Variants in ZNF251 observed in about 807,000 individuals in gnomAD.
The protein encoded by ZNF251 is zinc finger protein 251.
A neutral mutation model predicts 13.5 loss-of-function variants in ZNF251; 14 were observed. The observed-to-expected ratio is 1.04, with a 90% CI of 0.69 to 1.63. ZNF251 has a LOEUF of 1.63. Ranked by LOEUF, ZNF251 falls within the 40% of genes most tolerant of loss-of-function variation. The pLI is 0.00. For missense variants in ZNF251, 764 were observed against 834.9 expected (o/e 0.92, Z 1.05); for synonymous variants, 287 against 295.2 (o/e 0.97, Z 0.28).
chr8:144,738,063 A>G (rs773029210), intron 4 of ZNF251, among the ~76,000 whole-genome samples: 1 of 152,048 alleles, frequency 6.6e-6, no homozygotes, highest in Non-Finnish European at 1.5e-5. Context: ...ATCTTACTCT[A>G]ATACCCAGAC....
At chr8:144,755,363 C>T in intron 1 of ZNF251, 42 bp downstream of exon 1, 1 of 1,287,030 alleles carries the variant, frequency 7.8e-7, no homozygotes, top group Non-Finnish European at 1.0e-6. Flanking sequence ...TCCCCGCCTG[C>T]CTGCCCGCTT....
At chr8:144,745,509 T>G (rs1364447945) in intron 4 of ZNF251, among the ~76,000 whole-genome samples, 1 of 152,122 alleles carries the variant, frequency 6.6e-6, no homozygotes, top group African/African-American at 2.4e-5. Flanking sequence ...TTATAAACAT[T>G]ACAATCAGTT....
At chr8:144,742,089 A>G (rs893005177) in intron 4 of ZNF251, among the ~76,000 whole-genome samples, 1 of 152,172 alleles carries the variant, frequency 6.6e-6, no homozygotes, top group African/African-American at 2.4e-5. Flanking sequence ...GCTCACCTCA[A>G]AAGCAGGAGA....
chr8:144,745,894 G>A (rs532178036), intron 4 of ZNF251, among the ~76,000 whole-genome samples: 27 of 152,092 alleles, frequency 1.8e-4, no homozygotes, highest in East Asian at 7.7e-4. Context: ...ATCAAGCAGA[G>A]GACTGACATC....
intron 4 of ZNF251, among the ~76,000 whole-genome samples, chr8:144,751,745 T>C (rs1824701799): frequency 6.6e-6 from 1 of 152,090 alleles, no homozygotes; most frequent in African/African-American, 2.4e-5. Flanking sequence ...ATTAACAGAC[T>C]AAACACTACA....
rs1308608030 is a variant in ZNF251, at chr8:144,744,894, A to G, written c.277+8789T>C. 2.0e-5 allele frequency among the ~76,000 whole-genome samples: 3 copies of G among 152,164 alleles called. No individual in the cohort carries two copies. In the East Asian group the frequency reaches 5.8e-4, roughly 29 times the overall value. ...AACATGGCAAAACCCCATCTCTACT[A>G]AAAGTACAAAAACCAGCTGGGCGTG... is the stretch of plus-strand genomic sequence containing the variant. On this transcript the variant is annotated intron_variant, in intron 4 of 4. Transcript: ENST00000292562.
intron 4 of ZNF251, among the ~76,000 whole-genome samples, chr8:144,747,042 G>A (rs941247329): frequency 3.9e-5 from 6 of 152,016 alleles, no homozygotes; most frequent in African/African-American, 1.5e-4. Context: ...GTTTCCTAGA[G>A]TGAAAGCTTA....
Position 144,754,290 on chromosome 8 carries a change from A to AT in ZNF251, c.64_65insA (p.Val22AspfsTer39). On this transcript the variant is annotated frameshift_variant, in exon 3 of 5. Coordinates refer to ENST00000292562, the MANE Select transcript of ZNF251 (RefSeq NM_138367.2). LOFTEE classifies it high-confidence loss of function. ...CCGCCCCTCCGCCTGAGAGAAGTAC[A>AT]CGGCCACATCCTGGAAGGTCAGCGG... 2 of 1,612,622 alleles carry AT rather than the reference A, an allele frequency of 1.2e-6. No individual in the cohort carries two copies. The highest frequency in any genetic ancestry group is 4.5e-5 in the East Asian group (2 of 44,842).
intron 4 of ZNF251, among the ~76,000 whole-genome samples, chr8:144,727,232 C>T (rs1356390329): frequency 6.6e-6 from 1 of 152,164 alleles, no homozygotes; most frequent in African/African-American, 2.4e-5. Flanking sequence ...TAATCTGTGC[C>T]GGTTCCATGG....
At chr8:144,745,233 G>C (rs138426702) in intron 4 of ZNF251, among the ~76,000 whole-genome samples, 1 of 141,400 alleles carries the variant, frequency 7.1e-6, no homozygotes, top group Non-Finnish European at 1.5e-5. Flanking sequence ...AGTTATTCCA[G>C]CACCATTTCT....
intron 4 of ZNF251, among the ~76,000 whole-genome samples, chr8:144,740,143 G>T (rs1824091534): frequency 6.6e-6 from 1 of 151,406 alleles, no homozygotes; most frequent in Non-Finnish European, 1.5e-5. Context: ...AAATTAGCCA[G>T]GTGTGGTGGT....
Position 144,734,799 on chromosome 8 carries a change from C to T in ZNF251, c.278-11417G>A, listed in dbSNP as rs1038601352. ...GTCTTAAGGGATTTTGCAGGCCGGG[C>T]GTGGTAGCTCACGCCTGTAATCCCA... On this transcript the variant is annotated intron_variant, in intron 4 of 4. Transcript: ENST00000292562. The surrounding 1 kb of genome is among the most constrained non-coding windows in gnomAD (Gnocchi z 4.4). Among the ~76,000 whole-genome samples the T allele has an allele frequency of 2.0e-5, 3 of 152,182 alleles. No homozygotes were observed. The highest frequency in any genetic ancestry group is 2.9e-5 in the Non-Finnish European group (2 of 68,030).
chr8:144,747,513 G>C (rs1586704903), intron 4 of ZNF251, among the ~76,000 whole-genome samples: 1 of 152,002 alleles, frequency 6.6e-6, no homozygotes, highest in South Asian at 2.1e-4. Context: ...CATCCTGCTG[G>C]ATCTGTCCAT....
chr8:144,754,535 T>C, intron 2 of ZNF251, 161 bp downstream of exon 2: 2 of 1,450,070 alleles, frequency 1.4e-6, no homozygotes. Context: ...CCCCTCTCCC[T>C]GCAGGAGGGC....
intron 4 of ZNF251, among the ~76,000 whole-genome samples, chr8:144,724,303 C>T (rs528801243): frequency 6.9e-6 from 1 of 145,000 alleles, no homozygotes; most frequent in East Asian, 2.2e-4. Context: ...AAGCAACAAT[C>T]ATGCCGTGTA....
At chr8:144,752,135 C>CAAA (rs745386892) in intron 4 of ZNF251, among the ~76,000 whole-genome samples, 6 of 86,172 alleles carry the variant, frequency 7.0e-5, no homozygotes, top group African/African-American at 2.0e-4. Flanking sequence ...ATAACTAGAC[C>CAAA]AAAAAAAAAA....
rs1563753727 is a variant in ZNF251, at chr8:144,722,854, TCATCA to T, written c.801_805del (p.Cys267Ter). On this transcript the variant is annotated stop_gained and frameshift_variant, in exon 5 of 5. Coordinates refer to ENST00000292562, the MANE Select transcript of ZNF251 (RefSeq NM_138367.2). LOFTEE classifies it low-confidence loss of function (END_TRUNC). The surrounding 1 kb of genome is among the most constrained non-coding windows in gnomAD (Gnocchi z 4.8). The stretch of plus-strand genomic sequence containing the variant: ...ATTGAGTCCAAAAGTTTTCCCACAT[TCATCA>T]CATTTAAATGGTTTATTTCCAGTGT... 6.2e-7 allele frequency: 1 copy of T among 1,613,916 alleles called. No homozygotes were observed. Among genetic ancestry groups the T allele is most frequent in the Non-Finnish European group, 8.5e-7 (1 of 1,179,900 alleles).
chr8:144,730,175 C>A (rs564474910), intron 4 of ZNF251: 2 of 948,172 alleles, frequency 2.1e-6, no homozygotes, highest in Non-Finnish European at 2.5e-6. Context: ...TTTTATCCAC[C>A]GGGCCTAAAG....
intron 4 of ZNF251, 48 bp downstream of exon 4, chr8:144,753,635 G>T: frequency 1.4e-6 from 2 of 1,475,142 alleles, no homozygotes; most frequent in Non-Finnish European, 9.2e-7. Context: ...GCCTCTTAAG[G>T]CAGGATTGGG....
Sources: allele counts gnomAD v4.1 joint callset (sites outside exome capture counted in the v4.1 genomes callset), GRCh38; gene constraint gnomAD v4.1.1; non-coding constraint Gnocchi (gnomAD v3.1); transcripts MANE v1.5; gene names NCBI Gene and HGNC (gene_info 2026-07-23, HGNC 2026-07-21).